PDE4D: variants seen among roughly 807,000 people sequenced by gnomAD.
The protein encoded by PDE4D is phosphodiesterase 4D.
Under a neutral mutation model 87.4 loss-of-function variants are expected in PDE4D, and 24 were observed. That is an observed-to-expected ratio of 0.27 (90% CI 0.20 to 0.39). The LOEUF (loss-of-function observed/expected upper bound fraction) is 0.39, where lower values mean the gene tolerates loss of function less well. Ranked by LOEUF, PDE4D falls within the 10% of genes least tolerant of loss-of-function variation. PDE4D has a pLI of 1.00. For synonymous variants in PDE4D, 384 were observed against 383.2 expected, an observed-to-expected ratio of 1.00 and a Z score of -0.02; for missense variants, 714 against 1,041.0, an observed-to-expected ratio of 0.69 and a Z score of 4.32.
chr5:59,306,147 T>C (rs907837713), intron 1 of PDE4D, among the ~76,000 whole-genome samples: 1 of 152,210 alleles, frequency 6.6e-6, no homozygotes, highest in African/African-American at 2.4e-5. Flanking sequence ...ATAATATCCC[T>C]CTTTGTCTCT....
intron 1 of PDE4D, among the ~76,000 whole-genome samples, chr5:59,878,016 A>G (rs1273006574): frequency 6.6e-6 from 1 of 152,146 alleles, no homozygotes; most frequent in Non-Finnish European, 1.5e-5. Context: ...TAGAAAACCA[A>G]AGCTGGAAAG....
chr5:59,928,881 T>G (rs1755576291), intron 3 of PDE4D, among the ~76,000 whole-genome samples: 1 of 147,216 alleles, frequency 6.8e-6, no homozygotes, highest in South Asian at 2.1e-4. Context: ...TACATATATA[T>G]TCTATATATC....
Position 59,874,062 on chromosome 5 carries a change from T to A in PDE4D, c.455+19106A>T, listed in dbSNP as rs114860631. Reference sequence around the variant, plus strand: ...TTGTCTCTACAGAAAAATTTTTTTTTAAAAAAATGGCCGAGTATGATGGCT... The same window carrying A: ...TTGTCTCTACAGAAAAATTTTTTTTAAAAAAAATGGCCGAGTATGATGGCT... On this transcript the variant is annotated intron_variant, in intron 1 of 14. Transcript: ENST00000340635. Among the ~76,000 whole-genome samples, 624 of 151,970 alleles carry A rather than the reference T, an allele frequency of 4.1e-3. 2 individuals carry two copies. Among genetic ancestry groups the A allele is most frequent in the South Asian group, 0.014 (68 of 4,804 alleles).
chr5:59,935,795 T>C (rs1053159592), intron 3 of PDE4D, among the ~76,000 whole-genome samples: 1 of 152,190 alleles, frequency 6.6e-6, no homozygotes, highest in South Asian at 2.1e-4. Context: ...CTCATCATTT[T>C]TTATGGCTGC....
Position 59,739,671 on chromosome 5 carries a change from AC to A in PDE4D, c.455+153496del, listed in dbSNP as rs1369996279. Among the ~76,000 whole-genome samples, 3 of 152,226 alleles carry A rather than the reference AC, an allele frequency of 2.0e-5. No homozygotes were observed. In the East Asian group the frequency reaches 5.8e-4, roughly 29 times the overall value. On this transcript the variant is annotated intron_variant, in intron 1 of 14. Transcript: ENST00000340635. ...CAGCAGTGTAATACGCTACAAGCAC[AC>A]TGCTAACAGTCTCTGAAAAGCAGAA... is the stretch of plus-strand genomic sequence containing the variant.
intron 2 of PDE4D, among the ~76,000 whole-genome samples, chr5:60,010,965 A>C (rs1016898805): frequency 6.6e-6 from 1 of 152,172 alleles, no homozygotes; most frequent in East Asian, 1.9e-4. Flanking sequence ...ATGTGAGATG[A>C]AAATGAATTG....
upstream of PDE4D, among the ~76,000 whole-genome samples, chr5:60,492,887 A>G (rs1268802386): frequency 6.6e-6 from 1 of 151,830 alleles, no homozygotes; most frequent in Non-Finnish European, 1.5e-5. Context: ...TACTTAAAGT[A>G]TAAAAAAAAA....
At chr5:59,505,568 C>T (rs1001554722) in intron 1 of PDE4D, among the ~76,000 whole-genome samples, 6 of 152,274 alleles carry the variant, frequency 3.9e-5, no homozygotes, top group Admixed American at 2.0e-4. Flanking sequence ...TAAACTACAG[C>T]TTAGAATCTA....
At chr5:59,195,698 AC>A (rs1441775310) in intron 2 of PDE4D, among the ~76,000 whole-genome samples, 2 of 152,224 alleles carry the variant, frequency 1.3e-5, no homozygotes, top group African/African-American at 2.4e-5. Flanking sequence ...AATGGAGATA[AC>A]AGCACATACA....
chr5:60,020,523 C>T (rs1314064195), intron 2 of PDE4D, among the ~76,000 whole-genome samples: 1 of 152,122 alleles, frequency 6.6e-6, no homozygotes, highest in African/African-American at 2.4e-5. Context: ...AACATACAGG[C>T]TGTATGTATA....
intron 5 of PDE4D, among the ~76,000 whole-genome samples, chr5:59,058,381 C>T (rs573971874): frequency 6.6e-6 from 1 of 152,176 alleles, no homozygotes; most frequent in East Asian, 1.9e-4. Flanking sequence ...TCCTATAGAG[C>T]CTTTCATTCT....
At position 59,255,519 on chromosome 5, in the gene PDE4D, C is replaced by T. The variant is rs149719971; in HGVS notation, c.456-39551G>A. ...AAATGTTCTACATTGATTTTGGTGA[C>T]GGTTGCAAAAGTGTGTGAATATACT... On this transcript the variant is annotated intron_variant, in intron 1 of 14. Coordinates refer to ENST00000340635, the MANE Select transcript of PDE4D (RefSeq NM_001104631.2). Among the ~76,000 whole-genome samples the T allele has an allele frequency of 9.1e-4, 138 of 152,012 alleles. 1 individual carries two copies. In the East Asian group the frequency reaches 0.019, roughly 21 times the overall value.
intron 3 of PDE4D, among the ~76,000 whole-genome samples, chr5:59,942,564 C>T (rs1029561644): frequency 1.3e-5 from 2 of 151,884 alleles, no homozygotes; most frequent in African/African-American, 4.8e-5. Flanking sequence ...CAGATCAAGC[C>T]GAGAGAGAAT....
At chr5:60,222,442 C>T (rs763072442) in intron 1 of PDE4D, among the ~76,000 whole-genome samples, 17 of 152,056 alleles carry the variant, frequency 1.1e-4, no homozygotes, top group African/African-American at 4.8e-5. Context: ...TGAAATGATA[C>T]GTGTTTATTC....
chr5:59,884,523 T>C lies in PDE4D; in HGVS notation c.455+8645A>G, dbSNP rs563539768. 2.0e-5 allele frequency among the ~76,000 whole-genome samples: 3 copies of C among 152,132 alleles called. No individual in the cohort carries two copies. The East Asian group carries it at 5.8e-4, about 29-fold the overall frequency. ...ACATACAGATCTCAATACAGATATA[T>C]CATCATTTATTTTACAATTTCTGTC... On this transcript the variant is annotated intron_variant, in intron 1 of 14. Coordinates refer to ENST00000340635, the MANE Select transcript of PDE4D (RefSeq NM_001104631.2).
chr5:59,235,331 T>G (rs1234744613), intron 1 of PDE4D, among the ~76,000 whole-genome samples: 1 of 152,204 alleles, frequency 6.6e-6, no homozygotes, highest in African/African-American at 2.4e-5. Context: ...CCTGTGCTTC[T>G]TATGCCCTCA....
chr5:60,018,620 G>T (rs1018862893), intron 2 of PDE4D, among the ~76,000 whole-genome samples: 4 of 152,156 alleles, frequency 2.6e-5, no homozygotes, highest in Admixed American at 2.6e-4. Context: ...ATACACAAAG[G>T]CTCAAAATAA....
intron 1 of PDE4D, among the ~76,000 whole-genome samples, chr5:60,443,022 A>C (rs919300496): frequency 6.6e-6 from 1 of 152,120 alleles, no homozygotes; most frequent in Non-Finnish European, 1.5e-5. Flanking sequence ...CATCAGAAAG[A>C]GGACCACGGA....
At chr5:60,397,607 CAG>C (rs1361762924) in intron 1 of PDE4D, among the ~76,000 whole-genome samples, 10 of 152,252 alleles carry the variant, frequency 6.6e-5, no homozygotes, top group South Asian at 2.1e-4. Context: ...CCTACAAAAG[CAG>C]AGAGTAGAAT....
Sources: gnomAD v4.1 joint callset for allele counts (sites outside exome capture counted in the v4.1 genomes callset) on GRCh38, gnomAD v4.1.1 for gene constraint, MANE v1.5 for transcripts, NCBI Gene and HGNC (gene_info 2026-07-23, HGNC 2026-07-21) for gene names.